AUTS2: variants seen among roughly 807,000 people sequenced by gnomAD.
AUTS2 encodes activator of transcription and developmental regulator AUTS2, also known as autism susceptibility gene 2 protein.
In AUTS2, 17 loss-of-function variants were observed where a neutral mutation model predicts 112.4. That is an observed-to-expected ratio of 0.15 (90% CI 0.10 to 0.23). The LOEUF is 0.23. Among genes scored for constraint, AUTS2 ranks in the 10% least tolerant of loss-of-function variants. The pLI, the probability that AUTS2 is intolerant of heterozygous loss-of-function variation, is 1.00. For missense variants in AUTS2, 1,510 were observed against 1,701.6 expected (o/e 0.89, Z 1.98); for synonymous variants, 751 against 702.7 (o/e 1.07, Z -1.09).
At chr7:69,933,164 C>T (rs1177574326) in intron 2 of AUTS2, among the ~76,000 whole-genome samples, 1 of 152,152 alleles carries the variant, frequency 6.6e-6, no homozygotes, top group Non-Finnish European at 1.5e-5. Context: ...TTTAATGCTT[C>T]TTTAGAGTAC....
intron 5 of AUTS2, among the ~76,000 whole-genome samples, chr7:70,464,521 C>G (rs1046004960): frequency 6.6e-6 from 1 of 152,046 alleles, no homozygotes; most frequent in African/African-American, 2.4e-5. Context: ...TCACTGAGGC[C>G]CAGAACATTT....
chr7:69,928,904 C>T (rs1486115080), intron 2 of AUTS2, among the ~76,000 whole-genome samples: 3 of 152,186 alleles, frequency 2.0e-5, no homozygotes, highest in African/African-American at 4.8e-5. Context: ...CAGCGGGTGT[C>T]CTCGCAGTGG....
intron 2 of AUTS2, among the ~76,000 whole-genome samples, chr7:70,026,511 T>G (rs1194839093): frequency 2.0e-5 from 3 of 152,144 alleles, no homozygotes; most frequent in Non-Finnish European, 4.4e-5. Context: ...GAGATCTAGG[T>G]TGGCATTTCC....
chr7:70,487,908 G>C (rs1025934611), intron 5 of AUTS2, among the ~76,000 whole-genome samples: 21 of 152,342 alleles, frequency 1.4e-4, no homozygotes, highest in African/African-American at 4.6e-4. Flanking sequence ...CGTTAAAATA[G>C]GGGGATGAGT....
chr7:70,494,061 C>T (rs1384221671), intron 5 of AUTS2, among the ~76,000 whole-genome samples: 4 of 152,136 alleles, frequency 2.6e-5, no homozygotes, highest in African/African-American at 4.8e-5. Context: ...AGGGATAGTA[C>T]GATTTGAAAT....
At chr7:70,077,957 A>G (rs186921368) in intron 2 of AUTS2, among the ~76,000 whole-genome samples, 2 of 152,162 alleles carry the variant, frequency 1.3e-5, no homozygotes, top group African/African-American at 4.8e-5. Context: ...GGAAGATTTA[A>G]TATTCAGATT....
intron 4 of AUTS2, among the ~76,000 whole-genome samples, chr7:70,176,807 C>A (rs909621799): frequency 6.6e-6 from 1 of 152,074 alleles, no homozygotes; most frequent in Non-Finnish European, 1.5e-5. Context: ...CAGCCTAGGA[C>A]CCATCATACT....
At chr7:70,046,993 C>T (rs761891417) in intron 2 of AUTS2, among the ~76,000 whole-genome samples, 3 of 151,912 alleles carry the variant, frequency 2.0e-5, no homozygotes, top group African/African-American at 4.8e-5. Flanking sequence ...TTTATTGTGC[C>T]GAATAAAATT....
At chr7:70,562,580 G>A (rs1017810712) in intron 5 of AUTS2, among the ~76,000 whole-genome samples, 4 of 152,156 alleles carry the variant, frequency 2.6e-5, no homozygotes, top group Admixed American at 2.0e-4. Context: ...CACTTACCAC[G>A]TGGCATCATG....
intron 1 of AUTS2, among the ~76,000 whole-genome samples, chr7:69,848,961 A>C (rs1308613418): frequency 6.6e-6 from 1 of 152,188 alleles, no homozygotes; most frequent in Non-Finnish European, 1.5e-5. Flanking sequence ...GGTGGAAATT[A>C]AACCACAGCA....
chr7:70,741,884 CG>C (rs1295242831), intron 6 of AUTS2, among the ~76,000 whole-genome samples: 2 of 152,108 alleles, frequency 1.3e-5, no homozygotes, highest in Non-Finnish European at 2.9e-5. Context: ...GTGCTACACT[CG>C]TAGCACACAC....
intron 5 of AUTS2, among the ~76,000 whole-genome samples, chr7:70,679,164 T>C (rs528834003): frequency 6.6e-6 from 1 of 152,342 alleles, no homozygotes; most frequent in African/African-American, 2.4e-5. Flanking sequence ...TCACCATCTA[T>C]CATTATTTTT....
chr7:70,452,023 GAT>G (rs2131075149), intron 5 of AUTS2, among the ~76,000 whole-genome samples: 1 of 152,268 alleles, frequency 6.6e-6, no homozygotes, highest in African/African-American at 2.4e-5. Context: ...AGAGAGATAT[GAT>G]ACCACACTTC....
intron 5 of AUTS2, among the ~76,000 whole-genome samples, chr7:70,664,118 A>C (rs545579104): frequency 7.2e-4 from 109 of 152,344 alleles, no homozygotes; most frequent in African/African-American, 2.6e-3. Context: ...TGGTTCATGC[A>C]ATAGAAAAGA....
At chr7:70,211,991 G>T (rs957584879) in intron 4 of AUTS2, among the ~76,000 whole-genome samples, 1 of 152,172 alleles carries the variant, frequency 6.6e-6, no homozygotes, top group African/African-American at 2.4e-5. Context: ...GTCTCAAAGA[G>T]AGAGAGAGAC....
At chr7:70,499,997 G>A (rs1798707251) in intron 5 of AUTS2, among the ~76,000 whole-genome samples, 1 of 152,098 alleles carries the variant, frequency 6.6e-6, no homozygotes, top group Non-Finnish European at 1.5e-5. Flanking sequence ...TACGTGTGGA[G>A]TGCCATAGCT....
chr7:70,713,959 T>C (rs1380475206), intron 6 of AUTS2, among the ~76,000 whole-genome samples: 1 of 152,054 alleles, frequency 6.6e-6, no homozygotes, highest in Admixed American at 6.5e-5. Context: ...TCAGCGTGTC[T>C]GGGCTAGGGC....
intron 1 of AUTS2, among the ~76,000 whole-genome samples, chr7:69,681,167 G>C (rs1195150673): frequency 6.6e-6 from 1 of 152,162 alleles, no homozygotes; most frequent in East Asian, 1.9e-4. Flanking sequence ...ATGGACATTT[G>C]AGTTGTTTTC....
chr7:70,093,410 G>A (rs148875300), intron 2 of AUTS2, among the ~76,000 whole-genome samples: 28 of 152,262 alleles, frequency 1.8e-4, no homozygotes, highest in African/African-American at 6.5e-4. Flanking sequence ...ATACCCATGG[G>A]CCTAGGCAAC....
Sources: gnomAD v4.1 joint callset for allele counts (sites outside exome capture counted in the v4.1 genomes callset) on GRCh38, gnomAD v4.1.1 for gene constraint, MANE v1.5 for transcripts, NCBI Gene and HGNC (gene_info 2026-07-23, HGNC 2026-07-21) for gene names.